ESRRB: variants seen among roughly 807,000 people sequenced by gnomAD.
ESRRB encodes the protein steroid hormone receptor ERR2.
A neutral mutation model predicts 46.0 loss-of-function variants in ESRRB; 16 were observed. That is an observed-to-expected ratio of 0.35 (90% CI 0.24 to 0.53). ESRRB has a LOEUF of 0.53. Ranked by LOEUF, ESRRB falls within the 20% of genes least tolerant of loss-of-function variation. The pLI is 0.93. For synonymous variants in ESRRB, 246 were observed against 259.6 expected (o/e 0.95, Z 0.50); for missense variants, 488 against 607.4 (o/e 0.80, Z 2.07).
At chr14:76,334,099 G>A (rs1010457175) in intron 1 of ESRRB, among the ~76,000 whole-genome samples, 3 of 152,142 alleles carry the variant, frequency 2.0e-5, no homozygotes, top group Admixed American at 2.0e-4. Flanking sequence ...CTAGCTAAAT[G>A]TTAGCTATTA....
intron 1 of ESRRB, among the ~76,000 whole-genome samples, chr14:76,399,323 A>C (rs1050580395): frequency 6.6e-6 from 1 of 152,138 alleles, no homozygotes; most frequent in Non-Finnish European, 1.5e-5. Context: ...CAAGCCACTT[A>C]GCCTCTGAAC....
At chr14:76,445,477 AAAAAAAAAG>A (rs1452518474) in intron 2 of ESRRB, among the ~76,000 whole-genome samples, 120 of 124,380 alleles carry the variant, frequency 9.6e-4, no homozygotes, top group African/African-American at 4.5e-3. Context: ...AAAAAAAAAA[AAAAAAAAAG>A]AAAGAAAGAA....
upstream of ESRRB, among the ~76,000 whole-genome samples, chr14:76,373,359 G>C (rs1884668980): frequency 6.6e-6 from 1 of 152,060 alleles, no homozygotes; most frequent in South Asian, 2.1e-4. Context: ...TACAGCCTCT[G>C]TTTTCTGGAG....
At chr14:76,388,572 A>T (rs929394918) in intron 1 of ESRRB, among the ~76,000 whole-genome samples, 4 of 152,106 alleles carry the variant, frequency 2.6e-5, no homozygotes, top group African/African-American at 9.6e-5. Flanking sequence ...GTGGAGGGGG[A>T]AAAGACCAAG....
At position 76,445,674 on chromosome 14, in the gene ESRRB, C is replaced by T. The variant is rs866098548; in HGVS notation, c.460+5924C>T. On this transcript the variant is annotated intron_variant, in intron 2 of 6. Coordinates refer to ENST00000644823, the MANE Select transcript of ESRRB (RefSeq NM_001379180.1). The stretch of plus-strand genomic sequence containing the variant: ...AAAGACTAAGACCGAGTCATTCCTT[C>T]TCCACCAATCTTTTTTTTTTTTTTT... Among the ~76,000 whole-genome samples the T allele has an allele frequency of 5.3e-5, 8 of 149,984 alleles. No individual in the cohort carries two copies. The South Asian group carries it at 1.5e-3, about 28-fold the overall frequency.
intron 1 of ESRRB, among the ~76,000 whole-genome samples, chr14:76,331,485 C>T (rs1199120675): frequency 5.3e-5 from 8 of 152,142 alleles, no homozygotes; most frequent in Admixed American, 3.3e-4. Flanking sequence ...CTCTTAAAGA[C>T]GTGAGAGGGA....
chr14:76,370,808 A>G (rs1045370176), upstream of ESRRB, among the ~76,000 whole-genome samples: 3 of 152,230 alleles, frequency 2.0e-5, no homozygotes, highest in Admixed American at 6.5e-5. Context: ...TCATCCTCCA[A>G]CCTGCCTGCT....
At chr14:76,357,718 A>G (rs1027813087) in intron 1 of ESRRB, among the ~76,000 whole-genome samples, 6 of 152,096 alleles carry the variant, frequency 3.9e-5, no homozygotes, top group Admixed American at 3.3e-4. Context: ...ATCTTGCTAC[A>G]TTGCCCAGGT....
At chr14:76,332,092 G>A (rs1884020318) in intron 1 of ESRRB, among the ~76,000 whole-genome samples, 2 of 151,918 alleles carry the variant, frequency 1.3e-5, no homozygotes. Flanking sequence ...TATGTGCTTG[G>A]TGGGAGAATC....
chr14:76,499,153 C>CG lies in ESRRB; in HGVS notation c.*695_*696insG, dbSNP rs1351526750. ...CCTGTCCTCCTCCTCTTCTCCTCCCCCCGGGAGTCCCCCGCTACTTCCTGA... is the reference window on the plus strand; with the variant it reads ...CCTGTCCTCCTCCTCTTCTCCTCCCCGCCGGGAGTCCCCCGCTACTTCCTGA... On this transcript the variant is annotated 3_prime_UTR_variant, in exon 7 of 7. Transcript: ENST00000644823. 3.5e-5 allele frequency: 11 copies of CG among 313,440 alleles called. No individual in the cohort carries two copies. The highest frequency in any genetic ancestry group is 5.0e-5 in the Non-Finnish European group (8 of 161,222). The allele number at this position is 313,440 out of a possible 1,614,324, so 19.4% of individuals were successfully genotyped here.
intron 1 of ESRRB, among the ~76,000 whole-genome samples, chr14:76,398,813 G>A (rs1885811745): frequency 6.6e-6 from 1 of 152,118 alleles, no homozygotes; most frequent in African/African-American, 2.4e-5. Flanking sequence ...GCCTTGCTCA[G>A]GTTGCTGAGC....
chr14:76,448,467 T>C (rs559770391), intron 2 of ESRRB, among the ~76,000 whole-genome samples: 14 of 151,172 alleles, frequency 9.3e-5, no homozygotes, highest in African/African-American at 2.9e-4. Context: ...TAGCTGGGAT[T>C]ACAGGCACGC....
At chr14:76,467,809 C>T (rs1469296615) in intron 3 of ESRRB, among the ~76,000 whole-genome samples, 1 of 152,132 alleles carries the variant, frequency 6.6e-6, no homozygotes, top group Non-Finnish European at 1.5e-5. Flanking sequence ...GGCCTCAGTA[C>T]AGCTCTGGGA....
Position 76,498,587 on chromosome 14 carries a change from G to A in ESRRB, c.*129G>A. The A allele has an allele frequency of 7.0e-7, 1 of 1,436,592 alleles. No individual in the cohort carries two copies. Among genetic ancestry groups the A allele is most frequent in the Middle Eastern group, 1.9e-4 (1 of 5,178 alleles). The allele number at this position is 1,436,592 out of a possible 1,614,324, so 89.0% of individuals were successfully genotyped here. ...GGCTCTGAGCTGTCCCAGAGGCGGG[G>A]GTTTCTCACCTCCTGGCTGTGTGCA... On this transcript the variant is annotated 3_prime_UTR_variant, in exon 7 of 7. Coordinates refer to ENST00000644823, the MANE Select transcript of ESRRB (RefSeq NM_001379180.1).
intron 1 of ESRRB, among the ~76,000 whole-genome samples, chr14:76,334,264 C>A (rs1269161066): frequency 6.6e-6 from 1 of 152,114 alleles, no homozygotes; most frequent in Non-Finnish European, 1.5e-5. Context: ...TGTCCAGCCT[C>A]CAAGATCGCA....
intron 1 of ESRRB, among the ~76,000 whole-genome samples, chr14:76,332,744 TTATATATTATATATAA>T (rs1884042438): frequency 7.7e-5 from 1 of 12,978 alleles, no homozygotes; most frequent in Non-Finnish European, 1.2e-4. Context: ...TATTATATAT[TTATATATTATATATAA>T]ATATATAATA....
At chr14:76,311,769 T>G (rs1045758885) in intron 1 of ESRRB, among the ~76,000 whole-genome samples, 1 of 152,204 alleles carries the variant, frequency 6.6e-6, no homozygotes, top group Admixed American at 6.5e-5. Context: ...ATTCGAATAG[T>G]GTGCCGGCTC....
intron 1 of ESRRB, among the ~76,000 whole-genome samples, chr14:76,433,929 T>G (rs991359463): frequency 6.6e-6 from 1 of 152,058 alleles, no homozygotes; most frequent in East Asian, 1.9e-4. Flanking sequence ...TTCTCTGTCT[T>G]CTTGGACTTC....
At chr14:76,386,936 T>C (rs1885255809) in intron 1 of ESRRB, among the ~76,000 whole-genome samples, 2 of 152,192 alleles carry the variant, frequency 1.3e-5, no homozygotes, top group Non-Finnish European at 2.9e-5. Flanking sequence ...AACCTGTCTG[T>C]GCCTGATGTT....
Sources: allele counts gnomAD v4.1 joint callset (sites outside exome capture counted in the v4.1 genomes callset), GRCh38; gene constraint gnomAD v4.1.1; transcripts MANE v1.5; gene names NCBI Gene and HGNC (gene_info 2026-07-23, HGNC 2026-07-21).